IRAG1: variants seen among roughly 807,000 people sequenced by gnomAD.
IRAG1 encodes the protein inositol 1,4,5-triphosphate receptor associated 1.
IRAG1 carries 62 observed loss-of-function variants against 106.2 expected under a neutral mutation model. That is an observed-to-expected ratio of 0.58 (90% CI 0.48 to 0.72). IRAG1 has a LOEUF of 0.72. Ranked by LOEUF, IRAG1 falls within the 30% of genes least tolerant of loss-of-function variation. IRAG1 has a pLI of 0.00. For synonymous variants in IRAG1, 462 were observed against 443.9 expected, an observed-to-expected ratio of 1.04 and a Z score of -0.51; for missense variants, 1,064 against 1,140.7, an observed-to-expected ratio of 0.93 and a Z score of 0.97.
intron 15 of IRAG1, among the ~76,000 whole-genome samples, chr11:10,595,996 C>G (rs989784130): frequency 2.6e-5 from 4 of 152,176 alleles, no homozygotes; most frequent in Non-Finnish European, 5.9e-5. Flanking sequence ...GGACCTCCAG[C>G]CCCACGCATG....
At chr11:10,658,293 C>G (rs943988172) in intron 1 of IRAG1, 1 of 152,308 alleles carries the variant, frequency 6.6e-6, no homozygotes, top group African/African-American at 2.4e-5. Context: ...TTGGCAGATT[C>G]CGTTCTAATC....
At chr11:10,693,237 G>C (rs1279210239) in intron 1 of IRAG1, among the ~76,000 whole-genome samples, 3 of 152,174 alleles carry the variant, frequency 2.0e-5, no homozygotes, top group African/African-American at 7.2e-5. Flanking sequence ...AGGAAAGCTA[G>C]GGGTTGCAAT....
At chr11:10,679,251 C>T (rs1438709513) in intron 1 of IRAG1, among the ~76,000 whole-genome samples, 1 of 152,200 alleles carries the variant, frequency 6.6e-6, no homozygotes, top group East Asian at 1.9e-4. Flanking sequence ...GATTCAGTGG[C>T]ATTAGGTACA....
At chr11:10,653,354 G>A (rs922944308) in intron 1 of IRAG1, among the ~76,000 whole-genome samples, 1 of 152,204 alleles carries the variant, frequency 6.6e-6, no homozygotes, top group Non-Finnish European at 1.5e-5. Flanking sequence ...AAGCCTCTTG[G>A]TGTTGAAATC....
chr11:10,692,894 C>T (rs563642336), intron 1 of IRAG1, among the ~76,000 whole-genome samples: 5 of 152,206 alleles, frequency 3.3e-5, no homozygotes, highest in East Asian at 3.9e-4. Context: ...CGCTTCAACT[C>T]GGAGCCCTGG....
chr11:10,631,852 A>AG (rs904056266), intron 4 of IRAG1, 139 bp downstream of exon 4: 3 of 618,602 alleles, frequency 4.8e-6, no homozygotes, highest in African/African-American at 3.7e-5. Flanking sequence ...CCAGACACGG[A>AG]GGGGCTGATC....
chr11:10,584,548 A>AATAT (rs56768282), intron 18 of IRAG1, among the ~76,000 whole-genome samples: 2,408 of 98,388 alleles, frequency 0.024, 47 homozygotes, highest in South Asian at 0.031. Context: ...TCTTTCATGA[A>AATAT]ATATATATAT....
intron 3 of IRAG1, among the ~76,000 whole-genome samples, chr11:10,633,429 A>G (rs1482956333): frequency 6.6e-6 from 1 of 152,104 alleles, no homozygotes; most frequent in African/African-American, 2.4e-5. Context: ...CAGCGAGCCC[A>G]GTTCGTGGGC....
intron 7 of IRAG1, 57 bp from the exon 8 acceptor site, chr11:10,627,817 T>C (rs1400959484): frequency 1.4e-5 from 23 of 1,610,776 alleles, no homozygotes; most frequent in Non-Finnish European, 1.9e-5. Flanking sequence ...GTGTTTCCTC[T>C]TGAAATATCC....
rs1859003509 is a variant in IRAG1 at position 10,657,364 on chromosome 11, G to A, written c.68-5182C>T. Among the ~76,000 whole-genome samples, 1 of 152,152 alleles carries A rather than the reference G, an allele frequency of 6.6e-6. No homozygotes were observed. Among genetic ancestry groups the A allele is most frequent in the Non-Finnish European group, 1.5e-5 (1 of 68,028 alleles). ...CCTTGCAGGGCCAAGCCTGTTCTCG[G>A]CAGGCAGCAGCAGCCTCTCATCATG... On this transcript the variant is annotated intron_variant, in intron 1 of 20. Coordinates refer to ENST00000423302, the MANE Select transcript of IRAG1 (RefSeq NM_130385.4). This position sits in a 1 kb window ranked among gnomAD's most constrained non-coding sequence, Gnocchi z 4.1.
intron 7 of IRAG1, 87 bp downstream of exon 7, chr11:10,627,886 T>A (rs961776661): frequency 1.1e-5 from 18 of 1,569,730 alleles, no homozygotes; most frequent in Non-Finnish European, 1.5e-5. Context: ...TCATCTCCAG[T>A]GGGTCACGAA....
Position 10,655,271 on chromosome 11 carries a change from A to C in IRAG1, c.68-3089T>G, listed in dbSNP as rs376356240. Among the ~76,000 whole-genome samples, 15 of 152,286 alleles carry C rather than the reference A, an allele frequency of 9.8e-5. No individual in the cohort carries two copies. In the South Asian group the frequency reaches 2.5e-3, roughly 25 times the overall value. On this transcript the variant is annotated intron_variant, in intron 1 of 20. Transcript: ENST00000423302. ...AGTATATTGTGCTCTGCCTGTTAAG[A>C]AGGATTTAGACAAATTGGGACATGT...
In IRAG1 at chr11:10,667,149, G is replaced by T. The variant is rs12281158; in HGVS notation, c.68-14967C>A. ...CAGAAGTTTTTTTTTTCGTTTTTTT[G>T]TTTTTGTTTTTAAAGCACCTAATTT... On this transcript the variant is annotated intron_variant, in intron 1 of 20. Coordinates refer to ENST00000423302, the MANE Select transcript of IRAG1 (RefSeq NM_130385.4). Among the ~76,000 whole-genome samples the T allele has an allele frequency of 0.012, 1,143 of 92,508 alleles. 15 individuals carry two copies. In the East Asian group the frequency reaches 0.32, roughly 26 times the overall value. 60.7% of individuals were successfully genotyped at this position (92,508 alleles called of 152,430 possible).
At chr11:10,655,086 A>G (rs1858817020) in intron 1 of IRAG1, among the ~76,000 whole-genome samples, 1 of 152,206 alleles carries the variant, frequency 6.6e-6, no homozygotes. Flanking sequence ...AAGACTAGCC[A>G]CAAACCCTGA....
rs79628828 is a variant in IRAG1 at position 10,655,019 on chromosome 11, G to T, written c.68-2837C>A. Among the ~76,000 whole-genome samples, 1,421 of 152,290 alleles carry T rather than the reference G, an allele frequency of 9.3e-3. 23 individuals carry two copies. The highest frequency in any genetic ancestry group is 0.033 in the African/African-American group (1,369 of 41,568). On this transcript the variant is annotated intron_variant, in intron 1 of 20. Transcript: ENST00000423302. The stretch of plus-strand genomic sequence containing the variant: ...TATCATCTTTACTTGGATTTCAGCA[G>T]CAGTGGCATCAGTGGTGCTGGGTAA...
intron 18 of IRAG1, among the ~76,000 whole-genome samples, chr11:10,586,416 C>CTTT (rs1215933252): frequency 1.4e-5 from 2 of 141,016 alleles, no homozygotes; most frequent in Non-Finnish European, 3.1e-5. Flanking sequence ...TTGATCTCTC[C>CTTT]TTTTTTTTTT....
Position 10,652,045 on chromosome 11 carries a change from C to A in IRAG1, c.205G>T (p.Ala69Ser), listed in dbSNP as rs1347500187. The A allele has an allele frequency of 6.3e-7, 1 of 1,582,936 alleles. No individual in the cohort carries two copies. Among genetic ancestry groups the A allele is most frequent in the South Asian group, 1.2e-5 (1 of 86,782 alleles). Residue 69 changes from alanine (A) to serine (S), a missense_variant, in exon 2 of 21, where the codon GCC becomes TCC. By Grantham distance (99) the Ala-to-Ser change is moderately conservative. Coordinates refer to ENST00000423302, the MANE Select transcript of IRAG1 (RefSeq NM_130385.4). ...DEEPPGEPQAAQSPAGQGPPA... is the reference protein window; with the variant it reads ...DEEPPGEPQASQSPAGQGPPA... Reference sequence around the variant, plus strand: ...CTTACTTGGCCGGCAGGGCTCTGGGCTGCCTGTGGCTCTCCGGGGGGCTCC... The same window carrying A: ...CTTACTTGGCCGGCAGGGCTCTGGGATGCCTGTGGCTCTCCGGGGGGCTCC...
intron 8 of IRAG1, among the ~76,000 whole-genome samples, 175 bp downstream of exon 8, chr11:10,627,541 C>T (rs920841518): frequency 5.3e-5 from 8 of 152,100 alleles, no homozygotes; most frequent in African/African-American, 1.7e-4. Flanking sequence ...ACCCCTCCAC[C>T]TTAGACTTCT....
chr11:10,690,698 G>A (rs765505161), intron 1 of IRAG1, among the ~76,000 whole-genome samples: 10 of 152,234 alleles, frequency 6.6e-5, no homozygotes, highest in East Asian at 1.9e-4. Context: ...TGCAGGAAGC[G>A]CCCGCTTTGG....
Sources: gnomAD v4.1 joint callset for allele counts (sites outside exome capture counted in the v4.1 genomes callset) on GRCh38, gnomAD v4.1.1 for gene constraint, Gnocchi (gnomAD v3.1) non-coding constraint, MANE v1.5 for transcripts, NCBI Gene and HGNC (gene_info 2026-07-23, HGNC 2026-07-21) for gene names.